The following CNOT4 variants were observed in gnomAD, a reference collection of about 807,000 sequenced individuals.
CNOT4 encodes CCR4-NOT transcription complex subunit 4.
CNOT4 carries 8 observed loss-of-function variants against 73.8 expected under a neutral mutation model. That is an observed-to-expected ratio of 0.11 (90% CI 0.06 to 0.20). The LOEUF (loss-of-function observed/expected upper bound fraction) is 0.20, where lower values mean the gene tolerates loss of function less well. Ranked by LOEUF, CNOT4 falls within the 10% of genes least tolerant of loss-of-function variation. CNOT4 has a pLI of 1.00. For synonymous variants in CNOT4, 293 were observed against 321.1 expected (o/e 0.91, Z 0.94); for missense variants, 564 against 883.4 (o/e 0.64, Z 4.58).
intron 10 of CNOT4, among the ~76,000 whole-genome samples, chr7:135,376,480 A>G (rs965106040): frequency 3.9e-5 from 6 of 152,146 alleles, no homozygotes; most frequent in Non-Finnish European, 7.3e-5. Context: ...TTTAGTAGCA[A>G]TAAAATATTT....
At chr7:135,406,264 T>G (rs530320413) in intron 7 of CNOT4, among the ~76,000 whole-genome samples, 2 of 151,478 alleles carry the variant, frequency 1.3e-5, no homozygotes, top group Non-Finnish European at 2.9e-5. Flanking sequence ...CTTAATAAAT[T>G]TAGGTAACCG....
At chr7:135,440,621 A>G (rs1261051273) in intron 1 of CNOT4, among the ~76,000 whole-genome samples, 3 of 152,126 alleles carry the variant, frequency 2.0e-5, no homozygotes, top group Non-Finnish European at 2.9e-5. Context: ...CTACAGCAAT[A>G]TAAGAGTAGA....
At chr7:135,491,981 A>C (rs1010304778) in intron 1 of CNOT4, among the ~76,000 whole-genome samples, 3 of 152,242 alleles carry the variant, frequency 2.0e-5, no homozygotes, top group African/African-American at 7.2e-5. Context: ...CAAAGACAGC[A>C]GCAAGGTCTA....
rs1467410221 is a variant in CNOT4, at chr7:135,364,165, ATTCT to A, written c.1628-103_1628-100del. On this transcript the variant is annotated intron_variant, in intron 10 of 11. Transcript: ENST00000541284. This position sits in a 1 kb window ranked among gnomAD's most constrained non-coding sequence, Gnocchi z 4.3. ...TTAGTGGTTAAGCGGGAGAAGAATT[ATTCT>A]TTCTTTATTGAGCATTTAAAATGGG... The A allele has an allele frequency of 7.5e-5, 69 of 920,998 alleles. No homozygotes were observed. The Middle Eastern group carries it at 8.0e-4, about 11-fold the overall frequency. 57.1% of individuals were successfully genotyped at this position (920,998 alleles called of 1,614,324 possible).
At chr7:135,406,207 C>G (rs1466950307) in intron 7 of CNOT4, among the ~76,000 whole-genome samples, 1 of 152,094 alleles carries the variant, frequency 6.6e-6, no homozygotes, top group Non-Finnish European at 1.5e-5. Flanking sequence ...CTATGACTGA[C>G]AGTCAGCCAA....
At chr7:135,498,145 G>A (rs1428282837) in intron 1 of CNOT4, among the ~76,000 whole-genome samples, 1 of 151,464 alleles carries the variant, frequency 6.6e-6, no homozygotes, top group Non-Finnish European at 1.5e-5. Flanking sequence ...ACATTCATAT[G>A]TAGGAAGCCT....
intron 1 of CNOT4, among the ~76,000 whole-genome samples, chr7:135,488,014 T>C (rs749303047): frequency 6.6e-6 from 1 of 151,424 alleles, no homozygotes; most frequent in Admixed American, 6.6e-5. Context: ...TGAGCTGAGA[T>C]AGCGCCACTG....
rs924421493 is a variant in CNOT4, at chr7:135,448,255, T to C, written c.-92-9832A>G. ...TAAAATTACGAGCCATGTAAAGAAATAGGAAAGTGCTGAGTGTGGTGGCTC... is the reference window on the plus strand; with the variant it reads ...TAAAATTACGAGCCATGTAAAGAAACAGGAAAGTGCTGAGTGTGGTGGCTC... On this transcript the variant is annotated intron_variant, in intron 1 of 11. Coordinates refer to ENST00000541284, the MANE Select transcript of CNOT4 (RefSeq NM_001190850.2). Among the ~76,000 whole-genome samples, 9 of 152,074 alleles carry C rather than the reference T, an allele frequency of 5.9e-5. No homozygotes were observed. In the East Asian group the frequency reaches 1.4e-3, roughly 23 times the overall value.
intron 1 of CNOT4, among the ~76,000 whole-genome samples, chr7:135,476,427 T>C (rs1174566379): frequency 6.6e-6 from 1 of 152,242 alleles, no homozygotes; most frequent in Non-Finnish European, 1.5e-5. Flanking sequence ...AAGTATGTTA[T>C]GGAGTATACG....
chr7:135,466,978 A>G (rs1801262686), intron 1 of CNOT4, among the ~76,000 whole-genome samples: 1 of 152,200 alleles, frequency 6.6e-6, no homozygotes, highest in Admixed American at 6.5e-5. Flanking sequence ...AAAACTAGCC[A>G]TATTGTTAAG....
intron 1 of CNOT4, among the ~76,000 whole-genome samples, chr7:135,453,586 C>G (rs537436199): frequency 1.3e-5 from 2 of 151,092 alleles, no homozygotes; most frequent in Non-Finnish European, 2.9e-5. Flanking sequence ...AGGAAGCGTA[C>G]AGTAAGACAG....
intron 1 of CNOT4, among the ~76,000 whole-genome samples, chr7:135,485,684 C>T (rs911699075): frequency 1.8e-4 from 26 of 144,004 alleles, no homozygotes; most frequent in African/African-American, 3.3e-4. Flanking sequence ...GAGAGCAATG[C>T]GACTTCCATG....
At chr7:135,376,312 T>C (rs572683223) in intron 10 of CNOT4, among the ~76,000 whole-genome samples, 17 of 152,338 alleles carry the variant, frequency 1.1e-4, no homozygotes, top group African/African-American at 3.8e-4. Context: ...CTTGATGCTA[T>C]GACATTCTCT....
At chr7:135,428,608 C>T (rs967455549) in intron 2 of CNOT4, among the ~76,000 whole-genome samples, 4 of 151,560 alleles carry the variant, frequency 2.6e-5, no homozygotes, top group Admixed American at 2.0e-4. Context: ...AGATTGGATA[C>T]AAAACAAACT....
chr7:135,483,618 A>G (rs1456467494), intron 1 of CNOT4, among the ~76,000 whole-genome samples: 1 of 151,988 alleles, frequency 6.6e-6, no homozygotes, highest in Non-Finnish European at 1.5e-5. Flanking sequence ...TCAGCCGAGA[A>G]GTTGAGACCA....
intron 1 of CNOT4, among the ~76,000 whole-genome samples, chr7:135,468,684 CAAA>C (rs34174386): frequency 3.2e-5 from 4 of 124,696 alleles, no homozygotes; most frequent in Admixed American, 8.5e-5. Flanking sequence ...GACTCTGTCT[CAAA>C]AAAAAAAAAA....
chr7:135,398,190 C>T lies in CNOT4; in HGVS notation c.858G>A (p.Gly286=). Residue 286 remains glycine, a synonymous_variant, in exon 8 of 12, where the codon GGG becomes GGA. Transcript: ENST00000541284. The part of the protein sequence containing the change: ...IDKPSDSLSI[G]NGDNSQQISN... ...TTACCTGCTGGGAATTATCACCGTT[C>T]CCTATACTGAGAGAATCTGAAGGTT... is the stretch of plus-strand genomic sequence containing the variant. 1 of 1,554,290 alleles carries T rather than the reference C, an allele frequency of 6.4e-7. No individual in the cohort carries two copies. Among genetic ancestry groups the T allele is most frequent in the Non-Finnish European group, 8.9e-7 (1 of 1,126,782 alleles).
chr7:135,363,205 A>G lies in CNOT4; in HGVS notation c.1841-19T>C. 2 of 1,610,076 alleles carry G rather than the reference A, an allele frequency of 1.2e-6. No individual in the cohort carries two copies. The highest frequency in any genetic ancestry group is 1.7e-6 in the Non-Finnish European group (2 of 1,178,016). On this transcript the variant is annotated intron_variant, in intron 11 of 11. Transcript: ENST00000541284. The surrounding 1 kb of genome is among the most constrained non-coding windows in gnomAD (Gnocchi z 4.3). ...GGAATACCTAAGGAGAGAAAAGAAA[A>G]AAGAGGGAAAATGGTGAGTTTGTGT...
At chr7:135,376,573 T>C (rs1357568869) in intron 10 of CNOT4, among the ~76,000 whole-genome samples, 1 of 152,204 alleles carries the variant, frequency 6.6e-6, no homozygotes, top group African/African-American at 2.4e-5. Flanking sequence ...TTTATGGTTA[T>C]ATACCTATTG....
Sources: allele counts gnomAD v4.1 joint callset (sites outside exome capture counted in the v4.1 genomes callset), GRCh38; gene constraint gnomAD v4.1.1; non-coding constraint Gnocchi (gnomAD v3.1); transcripts MANE v1.5; gene names NCBI Gene and HGNC (gene_info 2026-07-23, HGNC 2026-07-21).